Variants in EIPR1 observed in about 807,000 individuals in gnomAD.
The protein encoded by EIPR1 is EARP and GARP complex-interacting protein 1.
A neutral mutation model predicts 48.1 loss-of-function variants in EIPR1; 25 were observed. The ratio of observed to expected loss-of-function variants is 0.52; its 90% confidence interval spans 0.38 to 0.73. EIPR1 has a LOEUF of 0.73. Ranked by LOEUF, EIPR1 falls within the 30% of genes least tolerant of loss-of-function variation. EIPR1 has a pLI of 0.00. For synonymous variants in EIPR1, 204 were observed against 201.9 expected (o/e 1.01, Z -0.09); for missense variants, 415 against 506.2 (o/e 0.82, Z 1.73).
At chr2:3,282,121 ATAAG>A (rs1241803042) in intron 3 of EIPR1, among the ~76,000 whole-genome samples, 3 of 152,262 alleles carry the variant, frequency 2.0e-5, no homozygotes, top group Non-Finnish European at 2.9e-5. Context: ...CAAAGATCAA[ATAAG>A]TAAGTTTATG....
intron 4 of EIPR1, among the ~76,000 whole-genome samples, chr2:3,245,271 G>A (rs924700682): frequency 6.6e-6 from 1 of 152,124 alleles, no homozygotes; most frequent in African/African-American, 2.4e-5. Context: ...GGAGTGCAGT[G>A]GAGCGATCTG....
At chr2:3,321,059 G>A (rs1314998519) in intron 3 of EIPR1, among the ~76,000 whole-genome samples, 1 of 152,180 alleles carries the variant, frequency 6.6e-6, no homozygotes, top group Non-Finnish European at 1.5e-5. Flanking sequence ...TATCTGAACA[G>A]GGCAGGAGGC....
At chr2:3,219,204 T>A (rs1290946759) in intron 4 of EIPR1, among the ~76,000 whole-genome samples, 2 of 150,066 alleles carry the variant, frequency 1.3e-5, no homozygotes, top group Non-Finnish European at 3.0e-5. Flanking sequence ...TCACAGTGAG[T>A]CAGGTGCACA....
At chr2:3,317,498 C>G (rs1057180692) in intron 3 of EIPR1, among the ~76,000 whole-genome samples, 1 of 152,204 alleles carries the variant, frequency 6.6e-6, no homozygotes, top group South Asian at 2.1e-4. Flanking sequence ...GGGTGGAGCA[C>G]GGAGTGCCGG....
intron 5 of EIPR1, chr2:3,208,428 A>G: frequency 6.8e-7 from 1 of 1,472,382 alleles, no homozygotes; most frequent in Non-Finnish European, 9.0e-7. Context: ...CGTCACCTTC[A>G]GACACTTCCT....
At chr2:3,370,040 A>C (rs1408410150) in intron 1 of EIPR1, among the ~76,000 whole-genome samples, 1 of 152,054 alleles carries the variant, frequency 6.6e-6, no homozygotes, top group East Asian at 1.9e-4. Context: ...CTGAGACAAA[A>C]CTTCCAGAGG....
chr2:3,317,908 C>T (rs920703031), intron 3 of EIPR1, among the ~76,000 whole-genome samples: 5 of 152,228 alleles, frequency 3.3e-5, no homozygotes, highest in Non-Finnish European at 7.3e-5. Context: ...CCTCCAGACC[C>T]GGGAGGAAAT....
intron 3 of EIPR1, among the ~76,000 whole-genome samples, chr2:3,317,075 G>A (rs999860538): frequency 3.3e-5 from 5 of 150,338 alleles, no homozygotes; most frequent in South Asian, 2.1e-4. Context: ...CCCCAGGAGC[G>A]CATGACGCAC....
At chr2:3,288,411 G>A (rs761309842) in intron 3 of EIPR1, among the ~76,000 whole-genome samples, 21 of 152,310 alleles carry the variant, frequency 1.4e-4, no homozygotes, top group Admixed American at 2.6e-4. Context: ...GAAATACCAC[G>A]TTACAGCTGA....
chr2:3,376,342 C>G (rs1659881632), intron 1 of EIPR1, among the ~76,000 whole-genome samples: 1 of 152,042 alleles, frequency 6.6e-6, no homozygotes, highest in Non-Finnish European at 1.5e-5. Context: ...ACTTAGGTGT[C>G]TGGGTGGCAT....
rs187300947 is a variant in EIPR1, at chr2:3,292,362, G to A, written c.260-34907C>T. ...CAGATACTTCCCCCATGCTCACCAC[G>A]CTGTTGGGGGGACAGCCCCCCACAC... is the stretch of plus-strand genomic sequence containing the variant. On this transcript the variant is annotated intron_variant, in intron 3 of 8. Transcript: ENST00000382125. Among the ~76,000 whole-genome samples, 407 of 152,186 alleles carry A rather than the reference G, an allele frequency of 2.7e-3. 1 individual carries two copies. Among genetic ancestry groups the A allele is most frequent in the African/African-American group, 9.4e-3 (390 of 41,506 alleles).
chr2:3,270,337 G>A (rs181226760), intron 3 of EIPR1, among the ~76,000 whole-genome samples: 91 of 152,302 alleles, frequency 6.0e-4, no homozygotes, highest in East Asian at 1.2e-3. Flanking sequence ...GTGTGTCAGC[G>A]TGTGCCAGTG....
intron 4 of EIPR1, among the ~76,000 whole-genome samples, chr2:3,246,027 G>A (rs1027882144): frequency 4.6e-5 from 7 of 152,156 alleles, no homozygotes; most frequent in African/African-American, 1.7e-4. Context: ...GAAGGCCGAG[G>A]CTGTGGTTGA....
chr2:3,222,402 G>A (rs561905637), intron 4 of EIPR1, among the ~76,000 whole-genome samples: 2 of 152,322 alleles, frequency 1.3e-5, no homozygotes, highest in Admixed American at 1.3e-4. Flanking sequence ...ATTATCAGAG[G>A]AAGCAATAAA....
intron 4 of EIPR1, among the ~76,000 whole-genome samples, chr2:3,228,531 A>G (rs1455479099): frequency 6.6e-6 from 1 of 152,222 alleles, no homozygotes; most frequent in East Asian, 1.9e-4. Flanking sequence ...GGAATGAGTT[A>G]AGACTTTGGG....
intron 4 of EIPR1, among the ~76,000 whole-genome samples, chr2:3,220,538 C>T (rs1262248357): frequency 1.3e-5 from 2 of 152,076 alleles, no homozygotes; most frequent in Non-Finnish European, 2.9e-5. Flanking sequence ...CACACAATGA[C>T]CATGGTACAC....
intron 3 of EIPR1, among the ~76,000 whole-genome samples, chr2:3,281,575 A>G (rs1438992972): frequency 6.6e-6 from 1 of 152,086 alleles, no homozygotes; most frequent in Non-Finnish European, 1.5e-5. Flanking sequence ...CACTATTATC[A>G]CACAGTGCTC....
intron 3 of EIPR1, among the ~76,000 whole-genome samples, chr2:3,261,508 T>C (rs1358127051): frequency 6.6e-6 from 1 of 152,128 alleles, no homozygotes; most frequent in Non-Finnish European, 1.5e-5. Context: ...ACTGCAATGA[T>C]TACCCTAGTC....
intron 2 of EIPR1, among the ~76,000 whole-genome samples, chr2:3,343,784 TG>T (rs992896531): frequency 2.2e-4 from 34 of 152,092 alleles, no homozygotes; most frequent in Non-Finnish European, 4.7e-4. Context: ...TACAGAGCTG[TG>T]GGGCCGGGCC....
Sources: allele counts gnomAD v4.1 joint callset (sites outside exome capture counted in the v4.1 genomes callset), GRCh38; gene constraint gnomAD v4.1.1; transcripts MANE v1.5; gene names NCBI Gene and HGNC (gene_info 2026-07-23, HGNC 2026-07-21).